The following RPS6KC1 variants were observed in gnomAD, a reference collection of about 807,000 sequenced individuals.
RPS6KC1 encodes inactive ribosomal protein S6 kinase delta-1.
RPS6KC1 carries 54 observed loss-of-function variants against 103.8 expected under a neutral mutation model. The observed-to-expected ratio is 0.52, with a 90% CI of 0.42 to 0.65. The LOEUF (loss-of-function observed/expected upper bound fraction) is 0.65, where lower values mean the gene tolerates loss of function less well. Among genes scored for constraint, RPS6KC1 ranks in the 30% least tolerant of loss-of-function variants. RPS6KC1 has a pLI of 0.00. For missense variants in RPS6KC1, 1,151 were observed against 1,253.8 expected, an observed-to-expected ratio of 0.92 and a Z score of 1.24; for synonymous variants, 439 against 438.7, an observed-to-expected ratio of 1.00 and a Z score of -0.01.
Position 213,077,782 on chromosome 1 carries a change from G to A in RPS6KC1, c.228G>A (p.Glu76=), listed in dbSNP as rs2079481310. The change falls in exon 3 of 15, where the codon GAG becomes GAA. Residue 76 remains glutamate (E), a synonymous_variant. Transcript: ENST00000366960. ...ACAAAAACTTATTCCGACATTCAGA[G>A]TTGTTTCCTCCATTTGCTAAAGGAA... ...QIHKNLFRHS[E]LFPPFAKGIV... 6.4e-7 allele frequency: 1 copy of A among 1,565,448 alleles called. No homozygotes were observed. The highest frequency in any genetic ancestry group is 1.4e-5 in the African/African-American group (1 of 73,692).
chr1:213,858,931 T>G, the RPS6KC1 span, among the ~76,000 whole-genome samples: 1 of 152,176 alleles, frequency 6.6e-6, no homozygotes, highest in Admixed American at 6.5e-5. Context: ...ATGGTCACAA[T>G]GCAAACAAAG....
At chr1:213,152,290 ACCTC>A (rs888864727) in intron 6 of RPS6KC1, among the ~76,000 whole-genome samples, 36 of 100,718 alleles carry the variant, frequency 3.6e-4, no homozygotes, top group Admixed American at 3.4e-4. Flanking sequence ...TGATCCCCCT[ACCTC>A]CCTCCCGGAT....
chr1:213,680,224 C>T, the RPS6KC1 span, among the ~76,000 whole-genome samples: 1 of 152,084 alleles, frequency 6.6e-6, no homozygotes. Context: ...AAGAGAAGTA[C>T]CCCTGAAGCT....
At chr1:213,269,154 A>G (rs371733132) in intron 14 of RPS6KC1, among the ~76,000 whole-genome samples, 5 of 152,224 alleles carry the variant, frequency 3.3e-5, no homozygotes, top group African/African-American at 4.8e-5. Flanking sequence ...AGTAACCACG[A>G]AAGAGCTGGA....
At chr1:213,060,369 GA>G (rs1362987674) in intron 1 of RPS6KC1, among the ~76,000 whole-genome samples, 1 of 152,138 alleles carries the variant, frequency 6.6e-6, no homozygotes, top group Non-Finnish European at 1.5e-5. Context: ...TTAATCTGGA[GA>G]TATTTTCAAC....
chr1:213,853,276 A>T, the RPS6KC1 span, among the ~76,000 whole-genome samples: 1 of 152,158 alleles, frequency 6.6e-6, no homozygotes, highest in Non-Finnish European at 1.5e-5. Context: ...CCCCCTGTCC[A>T]TCTCTCTAAG....
the RPS6KC1 span, among the ~76,000 whole-genome samples, chr1:213,355,648 T>C: frequency 1.3e-5 from 2 of 152,236 alleles, no homozygotes; most frequent in African/African-American, 4.8e-5. Context: ...AAGTTGTCTC[T>C]TGCAGAACAC....
At chr1:213,239,877 G>T (rs2094311547) in intron 10 of RPS6KC1, among the ~76,000 whole-genome samples, 1 of 152,082 alleles carries the variant, frequency 6.6e-6, no homozygotes, top group Non-Finnish European at 1.5e-5. Flanking sequence ...TAACGTAAAA[G>T]TTATAATTGA....
At chr1:213,678,580 G>A in the RPS6KC1 span, among the ~76,000 whole-genome samples, 2 of 152,224 alleles carry the variant, frequency 1.3e-5, no homozygotes, top group African/African-American at 2.4e-5. Flanking sequence ...CTGATCATAA[G>A]CCTCAGCTGG....
At chr1:213,327,061 T>C in the RPS6KC1 span, among the ~76,000 whole-genome samples, 1 of 151,458 alleles carries the variant, frequency 6.6e-6, no homozygotes, top group Non-Finnish European at 1.5e-5. Context: ...TTTTTAATTT[T>C]CTTTTTGAGA....
the RPS6KC1 span, among the ~76,000 whole-genome samples, chr1:213,468,933 A>G: frequency 6.6e-6 from 1 of 152,084 alleles, no homozygotes; most frequent in East Asian, 1.9e-4. Context: ...GGAGTTGCCC[A>G]TCACTCCTCA....
At chr1:213,845,416 A>G in the RPS6KC1 span, among the ~76,000 whole-genome samples, 1 of 152,180 alleles carries the variant, frequency 6.6e-6, no homozygotes, top group East Asian at 1.9e-4. Flanking sequence ...ACACCTGTTA[A>G]CTTTGATTTG....
the RPS6KC1 span, among the ~76,000 whole-genome samples, chr1:213,385,929 G>A: frequency 2.0e-5 from 3 of 152,340 alleles, no homozygotes; most frequent in African/African-American, 2.4e-5. Flanking sequence ...TTTACTGGCT[G>A]TCTAACTGTG....
the RPS6KC1 span, among the ~76,000 whole-genome samples, chr1:213,697,148 A>C: frequency 7.1e-3 from 1,082 of 152,366 alleles, 13 homozygotes; most frequent in African/African-American, 0.025. Flanking sequence ...AGAGATGCAC[A>C]GGGCAGCATA....
At chr1:213,374,739 A>G in the RPS6KC1 span, among the ~76,000 whole-genome samples, 11 of 152,296 alleles carry the variant, frequency 7.2e-5, no homozygotes, top group South Asian at 2.3e-3. Context: ...ATAATGAATC[A>G]CTAGAGATCC....
At chr1:213,272,112 G>A (rs1268778169) in intron 14 of RPS6KC1, among the ~76,000 whole-genome samples, 1 of 152,152 alleles carries the variant, frequency 6.6e-6, no homozygotes, top group African/African-American at 2.4e-5. Context: ...TAGTTGATTA[G>A]GGGTCGAAAG....
chr1:213,125,076 G>A (rs1383902454), intron 5 of RPS6KC1, among the ~76,000 whole-genome samples: 1 of 152,008 alleles, frequency 6.6e-6, no homozygotes, highest in Non-Finnish European at 1.5e-5. Context: ...GGCCCTTGAT[G>A]CATCTCTTTT....
the RPS6KC1 span, among the ~76,000 whole-genome samples, chr1:213,858,411 T>C: frequency 6.6e-6 from 1 of 152,218 alleles, no homozygotes; most frequent in Admixed American, 6.5e-5. Flanking sequence ...TTTTAGCATC[T>C]TCAAGTCACA....
At chr1:213,322,911 CTTTTTTTTTTTTTTTTTTTTTTTT>C in the RPS6KC1 span, among the ~76,000 whole-genome samples, 525 of 36,706 alleles carry the variant, frequency 0.014, 13 homozygotes, top group African/African-American at 0.058. Flanking sequence ...CCATGCCCAG[CTTTTTTTTTTTTTTTTTTTTTTTT>C]TTTTTTTTAG....
Sources: gnomAD v4.1 joint callset for allele counts (sites outside exome capture counted in the v4.1 genomes callset) on GRCh38, gnomAD v4.1.1 for gene constraint, MANE v1.5 for transcripts, NCBI Gene and HGNC (gene_info 2026-07-23, HGNC 2026-07-21) for gene names.